THRB: variants seen among roughly 807,000 people sequenced by gnomAD.
The protein encoded by THRB is thyroid hormone receptor beta.
A neutral mutation model predicts 47.8 loss-of-function variants in THRB; 12 were observed. That is an observed-to-expected ratio of 0.25 (90% CI 0.16 to 0.41). The LOEUF is 0.41. Ranked by LOEUF, THRB falls within the 10% of genes least tolerant of loss-of-function variation. The pLI is 1.00. For synonymous variants in THRB, 218 were observed against 212.2 expected (o/e 1.03, Z -0.24); for missense variants, 348 against 589.2 (o/e 0.59, Z 4.24).
intron 1 of THRB, among the ~76,000 whole-genome samples, chr3:24,493,296 C>A (rs576533035): frequency 3.3e-5 from 5 of 152,336 alleles, no homozygotes; most frequent in Admixed American, 3.3e-4. Flanking sequence ...ATCATGAACA[C>A]GTTAAAATGC....
At chr3:24,275,128 T>G (rs1307546312) in intron 3 of THRB, among the ~76,000 whole-genome samples, 1 of 152,194 alleles carries the variant, frequency 6.6e-6, no homozygotes, top group Non-Finnish European at 1.5e-5. Flanking sequence ...ACATAAATAT[T>G]TGTTTGGAAA....
intron 2 of THRB, among the ~76,000 whole-genome samples, chr3:24,335,359 G>A (rs944264084): frequency 2.6e-5 from 4 of 152,110 alleles, no homozygotes; most frequent in Non-Finnish European, 5.9e-5. Flanking sequence ...AAAAATATTA[G>A]AACAGCATGA....
At chr3:24,389,228 A>G (rs140114057) in intron 1 of THRB, among the ~76,000 whole-genome samples, 73 of 152,254 alleles carry the variant, frequency 4.8e-4, no homozygotes, top group Middle Eastern at 3.4e-3. Flanking sequence ...GAATTCCTTT[A>G]CTGACTGAAG....
At position 24,247,273 on chromosome 3, in the gene THRB, A is replaced by T. The variant is rs559849873; in HGVS notation, c.-42-18272T>A. Among the ~76,000 whole-genome samples, 97 of 152,374 alleles carry T rather than the reference A, an allele frequency of 6.4e-4. 2 individuals carry two copies. The South Asian group carries it at 0.02, about 32-fold the overall frequency. On this transcript the variant is annotated intron_variant, in intron 3 of 10. Transcript: ENST00000646209. ...TTCCTAAAAAGTAAGAATAGTAATG[A>T]TGATAACAATAAAGGCGATAATAGC...
At chr3:24,475,534 T>TAG (rs1560281486) in intron 1 of THRB, among the ~76,000 whole-genome samples, 3 of 151,208 alleles carry the variant, frequency 2.0e-5, no homozygotes, top group Non-Finnish European at 2.9e-5. Flanking sequence ...TCAACATATA[T>TAG]ATAGATAGAT....
At chr3:24,341,130 T>G (rs944086778) in intron 1 of THRB, among the ~76,000 whole-genome samples, 2 of 151,796 alleles carry the variant, frequency 1.3e-5, no homozygotes, top group African/African-American at 4.8e-5. Context: ...TCTATTTTTT[T>G]TTTTCTAATT....
At chr3:24,219,187 G>A (rs932454248) in intron 4 of THRB, among the ~76,000 whole-genome samples, 3 of 152,112 alleles carry the variant, frequency 2.0e-5, no homozygotes, top group African/African-American at 4.8e-5. Context: ...TAAGATGGGA[G>A]GATTAACTGA....
chr3:24,393,869 T>C (rs142476199), intron 1 of THRB, among the ~76,000 whole-genome samples: 1 of 152,244 alleles, frequency 6.6e-6, no homozygotes, highest in African/African-American at 2.4e-5. Context: ...TAATGGCCTT[T>C]TAAAATCTTT....
At chr3:24,465,652 C>T (rs1382767972) in intron 1 of THRB, among the ~76,000 whole-genome samples, 2 of 152,194 alleles carry the variant, frequency 1.3e-5, no homozygotes, top group Non-Finnish European at 2.9e-5. Flanking sequence ...GATCTGCACA[C>T]CTTGGCCTCC....
In THRB at chr3:24,366,690, G is replaced by A. The variant is rs536757231; in HGVS notation, c.-260-29319C>T. On this transcript the variant is annotated intron_variant, in intron 1 of 10. Coordinates refer to ENST00000646209, the MANE Select transcript of THRB (RefSeq NM_001354712.2). ...GGCTGGAGTACAGTGGCACCATCTC[G>A]GCTCACTGCAGCCTCAGCCTCCCGG... 5.9e-4 allele frequency among the ~76,000 whole-genome samples: 85 copies of A among 144,088 alleles called. No individual in the cohort carries two copies. In the Middle Eastern group the frequency reaches 0.013, roughly 21 times the overall value. 94.5% of individuals were successfully genotyped at this position (144,088 alleles called of 152,430 possible).
intron 2 of THRB, among the ~76,000 whole-genome samples, chr3:24,320,905 C>T (rs191769935): frequency 2.8e-4 from 42 of 152,182 alleles, no homozygotes; most frequent in African/African-American, 9.4e-4. Flanking sequence ...ACCAATTAGA[C>T]TGTGAAAGGA....
At position 24,142,126 on chromosome 3, in the gene THRB, G is replaced by A. The variant is rs115929925; in HGVS notation, c.738+1375C>T. ...AGTGGATAGAGACATAAATCCCGGA[G>A]CTGGCTGCATCCATCACCACTGTTT... On this transcript the variant is annotated intron_variant, in intron 8 of 10. Transcript: ENST00000646209. 6.4e-3 allele frequency among the ~76,000 whole-genome samples: 978 copies of A among 152,310 alleles called. 15 individuals are homozygous for A. Among genetic ancestry groups the A allele is most frequent in the African/African-American group, 0.023 (945 of 41,552 alleles).
At chr3:24,433,742 C>T (rs1310276955) in intron 1 of THRB, among the ~76,000 whole-genome samples, 2 of 152,104 alleles carry the variant, frequency 1.3e-5, no homozygotes, top group Non-Finnish European at 2.9e-5. Flanking sequence ...TTATCATCGA[C>T]CTTATTTTCT....
intron 1 of THRB, among the ~76,000 whole-genome samples, chr3:24,478,216 G>A (rs1184357829): frequency 6.6e-6 from 1 of 152,070 alleles, no homozygotes; most frequent in African/African-American, 2.4e-5. Context: ...CCAGATTTTG[G>A]AGTATGCATA....
intron 4 of THRB, among the ~76,000 whole-genome samples, chr3:24,207,612 C>T (rs2045536338): frequency 6.6e-6 from 1 of 152,118 alleles, no homozygotes; most frequent in African/African-American, 2.4e-5. Flanking sequence ...CCCATTCCTC[C>T]CCATTTTTCC....
At chr3:24,233,121 T>C (rs1343786753) in intron 3 of THRB, among the ~76,000 whole-genome samples, 1 of 152,202 alleles carries the variant, frequency 6.6e-6, no homozygotes, top group Non-Finnish European at 1.5e-5. Context: ...CATTCACCTC[T>C]CAAACACACA....
chr3:24,154,431 A>G (rs1471893764), intron 5 of THRB, among the ~76,000 whole-genome samples: 5 of 152,246 alleles, frequency 3.3e-5, no homozygotes, highest in Non-Finnish European at 7.3e-5. Context: ...TTGTAAACTC[A>G]TAAGCTGAGT....
chr3:24,349,513 A>G (rs2063228660), intron 1 of THRB, among the ~76,000 whole-genome samples: 1 of 152,186 alleles, frequency 6.6e-6, no homozygotes, highest in South Asian at 2.1e-4. Context: ...CAAATAGATC[A>G]CAAGAGCTCC....
chr3:24,263,946 GA>G (rs1301877257), intron 3 of THRB, among the ~76,000 whole-genome samples: 2 of 152,160 alleles, frequency 1.3e-5, no homozygotes, highest in African/African-American at 4.8e-5. Flanking sequence ...CTGAACTGAG[GA>G]AAGATGAAAA....
Sources: allele counts gnomAD v4.1 joint callset (sites outside exome capture counted in the v4.1 genomes callset), GRCh38; gene constraint gnomAD v4.1.1; transcripts MANE v1.5; gene names NCBI Gene and HGNC (gene_info 2026-07-23, HGNC 2026-07-21).